Variants in NAA35 observed in about 807,000 individuals in gnomAD.
NAA35 encodes the protein N-alpha-acetyltransferase 35, NatC auxiliary subunit.
NAA35 carries 18 observed loss-of-function variants against 101.7 expected under a neutral mutation model. That is an observed-to-expected ratio of 0.18 (90% CI 0.12 to 0.26). NAA35 has a LOEUF of 0.26. Among genes scored for constraint, NAA35 ranks in the 10% least tolerant of loss-of-function variants. The pLI, the probability that NAA35 is intolerant of heterozygous loss-of-function variation, is 1.00. For missense variants in NAA35, 601 were observed against 886.8 expected, an observed-to-expected ratio of 0.68 and a Z score of 4.09; for synonymous variants, 267 against 273.1, an observed-to-expected ratio of 0.98 and a Z score of 0.22.
chr9:85,967,183 T>TA (rs1780109130), intron 6 of NAA35, among the ~76,000 whole-genome samples: 1 of 152,146 alleles, frequency 6.6e-6, no homozygotes, highest in Non-Finnish European at 1.5e-5. Context: ...GTGGGTACTT[T>TA]ATGCCACATA....
chr9:85,989,569 G>A lies in NAA35; in HGVS notation c.878-6830G>A, dbSNP rs937345319. On this transcript the variant is annotated intron_variant, in intron 11 of 22. Coordinates refer to ENST00000361671, the MANE Select transcript of NAA35 (RefSeq NM_024635.4). Reference sequence around the variant, plus strand: ...TTCCAAAGGTCTTTGAGTGACACTCGTAGAAATATTTTTAAACTAGCAAGA... The same window carrying A: ...TTCCAAAGGTCTTTGAGTGACACTCATAGAAATATTTTTAAACTAGCAAGA... 4.6e-5 allele frequency among the ~76,000 whole-genome samples: 7 copies of A among 152,120 alleles called. No individual in the cohort carries two copies. In the South Asian group the frequency reaches 6.2e-4, roughly 13 times the overall value.
At chr9:86,007,325 A>G in intron 13 of NAA35, 33 bp from the exon 14 acceptor site, 1 of 1,440,736 alleles carries the variant, frequency 6.9e-7, no homozygotes, top group East Asian at 2.3e-5. Context: ...TCTGTGCGTG[A>G]CACCGTAACT....
intron 1 of NAA35, chr9:85,941,889 G>A: frequency 8.6e-7 from 1 of 1,163,444 alleles, no homozygotes. Context: ...GATGGTTTGT[G>A]ATTTTTCTTC....
intron 11 of NAA35, among the ~76,000 whole-genome samples, chr9:85,996,042 C>T (rs1383302964): frequency 7.2e-5 from 11 of 152,074 alleles, no homozygotes; most frequent in Admixed American, 7.2e-4. Context: ...TTTTACCTTT[C>T]TTCACAATCT....
At chr9:85,964,636 A>G (rs2117920864) in intron 6 of NAA35, among the ~76,000 whole-genome samples, 1 of 152,342 alleles carries the variant, frequency 6.6e-6, no homozygotes, top group East Asian at 1.9e-4. Flanking sequence ...ATTTTTGTGA[A>G]CACAACCTTA....
At chr9:85,970,912 A>T (rs919540280) in intron 6 of NAA35, among the ~76,000 whole-genome samples, 7 of 152,174 alleles carry the variant, frequency 4.6e-5, no homozygotes, top group Admixed American at 2.6e-4. Flanking sequence ...TGAAGGTTTC[A>T]TTTTGTCATT....
rs753684424 is a variant in NAA35 at position 85,993,823 on chromosome 9, C to T, written c.878-2576C>T. ...GAGATTTTCAAAAAACCCTTTGCAT[C>T]TATTAGATAGGGTCTCACTCTGTCA... On this transcript the variant is annotated intron_variant, in intron 11 of 22. Transcript: ENST00000361671. Among the ~76,000 whole-genome samples the T allele has an allele frequency of 5.1e-4, 77 of 151,914 alleles. 1 individual carries two copies. Among genetic ancestry groups the T allele is most frequent in the East Asian group, 7.8e-4 (4 of 5,144 alleles).
chr9:86,007,586 T>G, intron 14 of NAA35, 122 bp downstream of exon 14: 1 of 620,790 alleles, frequency 1.6e-6, no homozygotes, highest in South Asian at 2.2e-5. Flanking sequence ...GTAAAGTAAC[T>G]TAATAGTGTT....
chr9:85,980,846 C>T (rs372663603), intron 11 of NAA35, among the ~76,000 whole-genome samples: 13 of 152,140 alleles, frequency 8.5e-5, no homozygotes, highest in East Asian at 3.8e-4. Context: ...CGCCCCTCAA[C>T]GACTTGGCCA....
At chr9:85,984,920 G>C (rs993783156) in intron 11 of NAA35, among the ~76,000 whole-genome samples, 21 of 152,004 alleles carry the variant, frequency 1.4e-4, no homozygotes, top group Non-Finnish European at 2.4e-4. Context: ...TAAAGCTATG[G>C]AACTCTTAAA....
chr9:85,991,400 T>C (rs1289915545), intron 11 of NAA35, among the ~76,000 whole-genome samples: 1 of 152,000 alleles, frequency 6.6e-6, no homozygotes, highest in Non-Finnish European at 1.5e-5. Context: ...AGCCTAAGCA[T>C]GTTGAAAAAG....
At chr9:85,988,795 T>TC (rs1830769019) in intron 11 of NAA35, among the ~76,000 whole-genome samples, 1 of 143,538 alleles carries the variant, frequency 7.0e-6, no homozygotes, top group Admixed American at 6.9e-5. Context: ...AAACTCCGTC[T>TC]CGAAAAAAAA....
rs17051500 is a variant in NAA35 at position 85,957,764 on chromosome 9, A to G, written c.159-708A>G. ...AATATGAAACTTTTAATTAGTAAGT[A>G]GACAAGATTGGACATTGTGGTTGCA... On this transcript the variant is annotated intron_variant, in intron 3 of 22. Coordinates refer to ENST00000361671, the MANE Select transcript of NAA35 (RefSeq NM_024635.4). 1.3e-3 allele frequency among the ~76,000 whole-genome samples: 202 copies of G among 152,290 alleles called. 5 individuals carry two copies. The East Asian group carries it at 0.034, about 26-fold the overall frequency.
At chr9:85,976,659 T>G (rs375094372) in intron 8 of NAA35, 26 bp from the exon 9 acceptor site, 39 of 1,547,110 alleles carry the variant, frequency 2.5e-5, no homozygotes, top group Non-Finnish European at 3.1e-5. Flanking sequence ...AGGTTTGTGT[T>G]TAATTCACCT....
In NAA35 at chr9:85,975,006, A is replaced by G. The variant is rs1830150373; in HGVS notation, c.556A>G (p.Asn186Asp). ...QSMTYGFKMA[N>D]SVTDLRVTGM... ...AATGACTTATGGATTTAAAATGGCT[A>G]ACAGTGTGACAGATCTTCGAGTTAC... Residue 186 changes from asparagine to aspartate, a missense_variant, in exon 7 of 23, where the codon AAC becomes GAC. Asn to Asp is a conservative substitution (Grantham distance 23). This residue lies in a region of NAA35 where 86 missense variants were observed against 169.4 expected (regional missense o/e 0.51). Transcript: ENST00000361671. The G allele has an allele frequency of 6.2e-7, 1 of 1,613,070 alleles. No individual in the cohort carries two copies.
chr9:85,986,692 C>A, intron 11 of NAA35: 1 of 311,878 alleles, frequency 3.2e-6, no homozygotes, highest in Non-Finnish European at 6.2e-6. Context: ...TCAAATGATT[C>A]TCTTACCTCA....
intron 6 of NAA35, among the ~76,000 whole-genome samples, chr9:85,972,869 C>T (rs1587598888): frequency 1.3e-5 from 2 of 152,044 alleles, no homozygotes; most frequent in African/African-American, 4.8e-5. Context: ...TAAATAAAGC[C>T]GTGATCTCAT....
intron 2 of NAA35, among the ~76,000 whole-genome samples, chr9:85,946,530 A>G (rs956824424): frequency 4.6e-5 from 7 of 152,170 alleles, no homozygotes; most frequent in Non-Finnish European, 7.3e-5. Flanking sequence ...TATGGGCCCA[A>G]TCTTTCATTC....
rs567745006 is a variant in NAA35 at position 86,016,459 on chromosome 9, ATATCTATC to A, written c.1569-79_1569-72del. ...TTAAAGACCTAAAGCATTATTTGAAATATCTATCGTTAATATATGTGTTGATAAAGCTG... is the reference window on the plus strand; with the variant it reads ...TTAAAGACCTAAAGCATTATTTGAAAGTTAATATATGTGTTGATAAAGCTG... On this transcript the variant is annotated intron_variant, in intron 17 of 22. Transcript: ENST00000361671. 3.3e-4 allele frequency: 395 copies of A among 1,205,796 alleles called. 7 individuals carry two copies. The South Asian group carries it at 5.2e-3, about 16-fold the overall frequency. The allele number at this position is 1,205,796 out of a possible 1,614,324, so 74.7% of individuals were successfully genotyped here.
Sources: allele counts gnomAD v4.1 joint callset (sites outside exome capture counted in the v4.1 genomes callset), GRCh38; gene constraint gnomAD v4.1.1; regional missense constraint gnomAD v4.1.1; transcripts MANE v1.5; gene names NCBI Gene and HGNC (gene_info 2026-07-23, HGNC 2026-07-21).